ZNF738: variants seen among roughly 807,000 people sequenced by gnomAD.
The protein encoded by ZNF738 is zinc finger protein 738.
A neutral mutation model predicts 9.2 loss-of-function variants in ZNF738; 10 were observed. The observed-to-expected ratio is 1.09, with a 90% confidence interval of 0.67 to 1.85. The LOEUF (loss-of-function observed/expected upper bound fraction) is 1.85. Ranked by LOEUF, ZNF738 falls within the 40% of genes most tolerant of loss-of-function variation. The pLI, the probability that ZNF738 is intolerant of heterozygous loss-of-function variation, is 0.00. For missense variants in ZNF738, 346 were observed against 283.6 expected (o/e 1.22, Z -1.58); for synonymous variants, 113 against 94.5 (o/e 1.20, Z -1.14).
chr19:21,373,400 C>T (rs753542898), intron 2 of ZNF738, among the ~76,000 whole-genome samples: 3 of 152,272 alleles, frequency 2.0e-5, no homozygotes, highest in Non-Finnish European at 2.9e-5. Flanking sequence ...TTAAGTTCCA[C>T]CTTTGCACTA....
At chr19:21,367,025 G>A (rs952206269) in intron 2 of ZNF738, among the ~76,000 whole-genome samples, 2 of 152,208 alleles carry the variant, frequency 1.3e-5, no homozygotes, top group African/African-American at 4.8e-5. Context: ...ATTCAAAATG[G>A]ATGCTGTGTA....
At position 21,359,232 on chromosome 19, in the gene ZNF738, G is replaced by T. The variant is rs116699966; in HGVS notation, c.3+89G>T. 58 of 886,294 alleles carry T rather than the reference G, an allele frequency of 6.5e-5. No individual in the cohort carries two copies. The African/African-American group carries it at 7.3e-4, about 11-fold the overall frequency. 54.9% of individuals were successfully genotyped at this position (886,294 alleles called of 1,614,324 possible). ...GCTGTGGCGAGACTCAGGCCTCCCC[G>T]CAGTCAGCTCTACAATCTGCGCCCC... On this transcript the variant is annotated intron_variant, in intron 1 of 4. Transcript: ENST00000683779.
At chr19:21,378,479 G>C in intron 4 of ZNF738, 1 of 208,388 alleles carries the variant, frequency 4.8e-6, no homozygotes, top group South Asian at 5.9e-5. Flanking sequence ...TTTGGTGATG[G>C]TATTATACTC....
rs535484465 is a variant in ZNF738, at chr19:21,383,246, T to C, written c.700T>C (p.Cys234Arg). The change falls in exon 5 of 5, where the codon TGT (cysteine) becomes CGT (arginine). Residue 234 changes from cysteine (C) to arginine (R), a missense_variant. Coordinates refer to ENST00000683779, the MANE Select transcript of ZNF738 (RefSeq NM_001355237.2). Reference protein sequence around the residue: ...IIHIRENSYQCEECGKAFKWF... With the variant: ...IIHIRENSYQREECGKAFKWF... ...TCATATTAGAGAGAATTCTTACCAA[T>C]GTGAAGAATGTGGCAAAGCCTTTAA... 2.7e-5 allele frequency: 43 copies of C among 1,592,962 alleles called. No homozygotes were observed. In the East Asian group the frequency reaches 9.2e-4, roughly 34 times the overall value.
intron 2 of ZNF738, among the ~76,000 whole-genome samples, chr19:21,374,243 G>T (rs1973896784): frequency 6.6e-6 from 1 of 151,846 alleles, no homozygotes; most frequent in South Asian, 2.1e-4. Flanking sequence ...TACTCTGAAA[G>T]TTCTGAAAAA....
intron 2 of ZNF738, among the ~76,000 whole-genome samples, chr19:21,363,025 A>G (rs1440982337): frequency 6.6e-6 from 1 of 152,076 alleles, no homozygotes; most frequent in Middle Eastern, 3.2e-3. Context: ...TGTTATCTTG[A>G]TTTCTGAGTT....
intron 2 of ZNF738, among the ~76,000 whole-genome samples, chr19:21,369,301 C>G (rs1194450946): frequency 6.6e-6 from 1 of 151,682 alleles, no homozygotes; most frequent in Non-Finnish European, 1.5e-5. Context: ...TGTAGAGATA[C>G]GGCTTTGCCA....
chr19:21,359,384 T>C (rs1973652012), intron 1 of ZNF738, among the ~76,000 whole-genome samples: 1 of 152,212 alleles, frequency 6.6e-6, no homozygotes, highest in South Asian at 2.1e-4. Flanking sequence ...TGGAGCCCTC[T>C]CTGGGGAATC....
intron 2 of ZNF738, among the ~76,000 whole-genome samples, chr19:21,367,777 C>T (rs931198119): frequency 1.3e-5 from 2 of 152,146 alleles, no homozygotes; most frequent in African/African-American, 4.8e-5. Flanking sequence ...CTCACAAACA[C>T]ACCCACTAGA....
At position 21,375,977 on chromosome 19, in the gene ZNF738, G is replaced by C; in HGVS notation, c.319+13G>C. ...GCCACACCCCCAGGTAGGTGAGAGT[G>C]AATAAAACAGTTGACATAGATGAAA... On this transcript the variant is annotated intron_variant, in intron 4 of 4. Coordinates refer to ENST00000683779, the MANE Select transcript of ZNF738 (RefSeq NM_001355237.2). 1 of 719,218 alleles carries C rather than the reference G, an allele frequency of 1.4e-6. No individual in the cohort carries two copies. Among genetic ancestry groups the C allele is most frequent in the Non-Finnish European group, 2.5e-6 (1 of 395,768 alleles). The allele number at this position is 719,218 out of a possible 1,614,324, so 44.6% of individuals were successfully genotyped here.
intron 2 of ZNF738, among the ~76,000 whole-genome samples, chr19:21,363,273 A>T (rs969961100): frequency 2.0e-5 from 3 of 152,094 alleles, no homozygotes; most frequent in African/African-American, 4.8e-5. Flanking sequence ...AGTTTCAAAA[A>T]CCAAGTGAGC....
At position 21,375,170 on chromosome 19, in the gene ZNF738, C is replaced by T. The variant is rs576788311; in HGVS notation, c.97-68C>T. 1.4e-4 allele frequency: 114 copies of T among 811,384 alleles called. No homozygotes were observed. In the African/African-American group the frequency reaches 1.8e-3, roughly 13 times the overall value. The allele number at this position is 811,384 out of a possible 1,614,324, so 50.3% of individuals were successfully genotyped here. On this transcript the variant is annotated intron_variant, in intron 2 of 4. Transcript: ENST00000683779. ...CAATTTTCTTTACTCTCTCATTTAA[C>T]CTTAATTCAAATGATAAATTCTGCC...
At chr19:21,368,954 T>C (rs1599713918) in intron 2 of ZNF738, among the ~76,000 whole-genome samples, 1 of 152,126 alleles carries the variant, frequency 6.6e-6, no homozygotes, top group Admixed American at 6.6e-5. Context: ...GCCAGGCTGG[T>C]CTTGAACTCC....
chr19:21,371,447 C>T (rs1973855955), intron 2 of ZNF738, among the ~76,000 whole-genome samples: 1 of 152,206 alleles, frequency 6.6e-6, no homozygotes, highest in Admixed American at 6.5e-5. Flanking sequence ...CTCCCTCATA[C>T]AAGAGATAAC....
At position 21,379,538 on chromosome 19, in the gene ZNF738, TAACA is replaced by T. The variant is rs532736547; in HGVS notation, c.320-3327_320-3324del. Among the ~76,000 whole-genome samples the T allele has an allele frequency of 4.4e-3, 669 of 152,342 alleles. 2 individuals are homozygous for T. The highest frequency in any genetic ancestry group is 6.3e-3 in the Non-Finnish European group (428 of 68,028). Reference sequence around the variant, plus strand: ...TGGTCCTGCAGTCTCTTCACTGCTTTAACATTTACCTTTGATCTCAGCAGACACA... The same window carrying T: ...TGGTCCTGCAGTCTCTTCACTGCTTTTTTACCTTTGATCTCAGCAGACACA... On this transcript the variant is annotated intron_variant, in intron 4 of 4. Coordinates refer to ENST00000683779, the MANE Select transcript of ZNF738 (RefSeq NM_001355237.2).
Position 21,378,003 on chromosome 19 carries a change from G to A in ZNF738, c.319+2039G>A, listed in dbSNP as rs2937157. On this transcript the variant is annotated intron_variant, in intron 4 of 4. Transcript: ENST00000683779. Reference sequence around the variant, plus strand: ...ACTTCTTTCTTATGTTGTTTTCTGTGTCTATACAGGCATATTCTTTGTGGT... The same window carrying A: ...ACTTCTTTCTTATGTTGTTTTCTGTATCTATACAGGCATATTCTTTGTGGT... The A allele has an allele frequency of 0.94, 371,652 of 397,224 alleles. 175,010 individuals are homozygous for A. The highest frequency in any genetic ancestry group is 0.97 in the Non-Finnish European group (219,606 of 225,446). The allele number at this position is 397,224 out of a possible 1,614,324, so 24.6% of individuals were successfully genotyped here.
chr19:21,373,777 C>CT (rs34606176), intron 2 of ZNF738, among the ~76,000 whole-genome samples: 3,192 of 130,800 alleles, frequency 0.024, 42 homozygotes, highest in Middle Eastern at 0.047. Flanking sequence ...GGAAAAATGG[C>CT]TTTTTTTTTT....
At chr19:21,380,016 G>C (rs1973985298) in intron 4 of ZNF738, among the ~76,000 whole-genome samples, 1 of 152,126 alleles carries the variant, frequency 6.6e-6, no homozygotes, top group South Asian at 2.1e-4. Flanking sequence ...CACTTATTAA[G>C]AAAATTTGAT....
At chr19:21,359,884 A>T (rs1380093236) in intron 1 of ZNF738, among the ~76,000 whole-genome samples, 1 of 152,220 alleles carries the variant, frequency 6.6e-6, no homozygotes, top group African/African-American at 2.4e-5. Flanking sequence ...TCTCAAAAAA[A>T]AAATTAACTT....
Sources: allele counts gnomAD v4.1 joint callset (sites outside exome capture counted in the v4.1 genomes callset), GRCh38; gene constraint gnomAD v4.1.1; transcripts MANE v1.5; gene names NCBI Gene and HGNC (gene_info 2026-07-23, HGNC 2026-07-21).